CFHR4: variants seen among roughly 807,000 people sequenced by gnomAD.
CFHR4 encodes complement factor H-related protein 4.
In CFHR4, 64 loss-of-function variants were observed where a neutral mutation model predicts 69.3. The observed-to-expected ratio is 0.92, with a 90% CI of 0.76 to 1.14. The LOEUF (loss-of-function observed/expected upper bound fraction) is 1.14, where lower values mean the gene tolerates loss of function less well. Ranked by LOEUF, CFHR4 falls within the 50% of genes most tolerant of loss-of-function variation. The pLI is 0.00. For missense variants in CFHR4, 636 were observed against 684.9 expected (o/e 0.93, Z 0.80); for synonymous variants, 244 against 237.0 (o/e 1.03, Z -0.27).
At position 196,907,605 on chromosome 1, in the gene CFHR4, A is replaced by G. The variant is rs1240788071; in HGVS notation, c.799+107A>G. On this transcript the variant is annotated intron_variant, in intron 5 of 9. Coordinates refer to ENST00000608469, the MANE Select transcript of CFHR4 (RefSeq NM_001201550.3). ...TTATTACCCTAGAACTGTGTTCACAAACAGCTATTCTGCTGAATATTTGCC... is the reference window on the plus strand; with the variant it reads ...TTATTACCCTAGAACTGTGTTCACAGACAGCTATTCTGCTGAATATTTGCC... 4.5e-6 allele frequency: 4 copies of G among 880,498 alleles called. 1 individual carries two copies. Among genetic ancestry groups the G allele is most frequent in the Non-Finnish European group, 6.9e-6 (4 of 579,654 alleles). The allele number at this position is 880,498 out of a possible 1,614,324, so 54.5% of individuals were successfully genotyped here. A position where few individuals can be genotyped will look rare whatever the true frequency, so the allele number is the denominator to read the frequency against.
chr1:196,901,517 T>C (rs973257786), intron 1 of CFHR4, among the ~76,000 whole-genome samples: 1 of 151,294 alleles, frequency 6.6e-6, no homozygotes, highest in African/African-American at 2.4e-5. Context: ...GTGGTGCATA[T>C]GTTGGAATTT....
At chr1:196,910,517 T>C (rs1458937700) in intron 6 of CFHR4, 39 bp downstream of exon 6, 1 of 1,512,842 alleles carries the variant, frequency 6.6e-7, no homozygotes, top group Non-Finnish European at 9.1e-7. Context: ...GCATAAAACT[T>C]GCAAAGAATG....
chr1:196,900,184 A>G (rs1657519708), intron 1 of CFHR4, among the ~76,000 whole-genome samples: 2 of 151,480 alleles, frequency 1.3e-5, no homozygotes, highest in African/African-American at 4.9e-5. Flanking sequence ...CGTTAAGGTC[A>G]GTTTGAGTTA....
intron 1 of CFHR4, among the ~76,000 whole-genome samples, chr1:196,894,903 A>ACAACAACAACAACAG (rs1350821999): frequency 6.6e-6 from 1 of 150,604 alleles, no homozygotes; most frequent in Non-Finnish European, 1.5e-5. Context: ...AACAACAACA[A>ACAACAACAACAACAG]CAACAAATTA....
intron 1 of CFHR4, among the ~76,000 whole-genome samples, chr1:196,899,130 G>A (rs760096665): frequency 6.7e-6 from 1 of 148,566 alleles, no homozygotes; most frequent in African/African-American, 2.5e-5. Flanking sequence ...ATCAAATGTA[G>A]CAAAATGTCT....
chr1:196,912,590 C>T lies in CFHR4; in HGVS notation c.998-150C>T, dbSNP rs993604231. 33 of 887,256 alleles carry T rather than the reference C, an allele frequency of 3.7e-5. 2 individuals carry two copies. Among genetic ancestry groups the T allele is most frequent in the East Asian group, 1.8e-4 (5 of 28,530 alleles). 55.0% of individuals were successfully genotyped at this position (887,256 alleles called of 1,614,324 possible). A position where few individuals can be genotyped will look rare whatever the true frequency, so the allele number is the denominator to read the frequency against. On this transcript the variant is annotated intron_variant, in intron 6 of 9. Coordinates refer to ENST00000608469, the MANE Select transcript of CFHR4 (RefSeq NM_001201550.3). ...AAATTCGTGGTTTCCTTTAAGAACA[C>T]GGATGTCTAGGAAACTTCCAGTTTT...
Position 196,912,470 on chromosome 1 carries a change from G to C in CFHR4, c.998-270G>C, listed in dbSNP as rs1853883. 0.65 allele frequency among the ~76,000 whole-genome samples: 97,580 copies of C among 150,768 alleles called. 33,447 individuals are homozygous for C. Among genetic ancestry groups the C allele is most frequent in the East Asian group, 0.9 (4,594 of 5,132 alleles). ...TTAGGGACTTGAGAGTCTGCTAGAT[G>C]TGCATTCCTTAAGGCCCGCCAGAGC... On this transcript the variant is annotated intron_variant, in intron 6 of 9. Transcript: ENST00000608469.
At position 196,900,314 on chromosome 1, in the gene CFHR4, G is replaced by A. The variant is rs922233576; in HGVS notation, c.59-2104G>A. Among the ~76,000 whole-genome samples, 3 of 74,170 alleles carry A rather than the reference G, an allele frequency of 4.0e-5. 1 individual carries two copies. The highest frequency in any genetic ancestry group is 1.6e-4 in the African/African-American group (3 of 19,292). 48.7% of individuals were successfully genotyped at this position (74,170 alleles called of 152,430 possible). A position where few individuals can be genotyped will look rare whatever the true frequency, so the allele number is the denominator to read the frequency against. ...CTTCAGTGCCAATCAGATCATAGGT[G>A]GAATTTTTTTTTTTTTTTTTTGCTT... On this transcript the variant is annotated intron_variant, in intron 1 of 9. Transcript: ENST00000608469.
At chr1:196,889,629 G>C (rs1656913184) in intron 1 of CFHR4, among the ~76,000 whole-genome samples, 1 of 151,522 alleles carries the variant, frequency 6.6e-6, no homozygotes, top group African/African-American at 2.4e-5. Flanking sequence ...TCTCAAAGGA[G>C]AAAGTAACTC....
At position 196,902,609 on chromosome 1, in the gene CFHR4, T is replaced by C. The variant is rs751546209; in HGVS notation, c.250T>C (p.Cys84Arg). The change falls in exon 2 of 10, where the codon TGC (cysteine) becomes CGC (arginine). Residue 84 changes from cysteine (C) to arginine (R), a missense_variant. Cys to Arg is a radical substitution (Grantham distance 180, BLOSUM62 -3). Around this residue, in one of 3 missense-constraint regions of CFHR4, gnomAD observed 529 missense variants for 533.2 expected, o/e 0.99. Transcript: ENST00000608469. Reference sequence around the variant, plus strand: ...AGATGGTTGGTCACCAACGGTCCCATGCCTCAGTAAGTAAACCTCTTTACA... The same window carrying C: ...AGATGGTTGGTCACCAACGGTCCCACGCCTCAGTAAGTAAACCTCTTTACA... ...TQDGWSPTVP[C>R]LRTCSKSDVE... The C allele has an allele frequency of 3.7e-6, 6 of 1,607,696 alleles. No homozygotes were observed. The Admixed American group carries it at 6.7e-5, about 18-fold the overall frequency.
chr1:196,909,737 C>A (rs569697026), intron 5 of CFHR4, among the ~76,000 whole-genome samples: 12 of 151,164 alleles, frequency 7.9e-5, no homozygotes, highest in African/African-American at 9.8e-5. Context: ...TAATACCTAG[C>A]GTATGGGTTG....
chr1:196,888,883 A>G (rs183705318), intron 1 of CFHR4, among the ~76,000 whole-genome samples: 4 of 151,510 alleles, frequency 2.6e-5, no homozygotes, highest in Non-Finnish European at 4.4e-5. Flanking sequence ...AATAATTTTC[A>G]TAGCTTTATG....
chr1:196,907,123 T>C (rs182228217), intron 4 of CFHR4, 86 bp downstream of exon 4: 32 of 1,170,786 alleles, frequency 2.7e-5, no homozygotes, highest in Non-Finnish European at 3.4e-5. Context: ...TGTGTATGAA[T>C]ACATATGTGT....
chr1:196,902,673 G>C, intron 2 of CFHR4, 58 bp downstream of exon 2: 1 of 1,255,022 alleles, frequency 8.0e-7, no homozygotes, highest in Non-Finnish European at 1.2e-6. Flanking sequence ...TGAGAGAACA[G>C]CAAATAAATG....
Position 196,915,898 on chromosome 1 carries a change from A to G in CFHR4, c.1540+760A>G, listed in dbSNP as rs991084680. Among the ~76,000 whole-genome samples, 6 of 151,672 alleles carry G rather than the reference A, an allele frequency of 4.0e-5. No homozygotes were observed. The South Asian group carries it at 1.0e-3, about 26-fold the overall frequency. ...ACACTGTTTCAAAAAACCACGAACTATTAAATCCTCCTTGAAAACATGAAA... is the reference window on the plus strand; with the variant it reads ...ACACTGTTTCAAAAAACCACGAACTGTTAAATCCTCCTTGAAAACATGAAA... On this transcript the variant is annotated intron_variant, in intron 9 of 9. Transcript: ENST00000608469.
chr1:196,911,408 TA>T (rs1192312180), intron 6 of CFHR4, among the ~76,000 whole-genome samples: 2 of 151,518 alleles, frequency 1.3e-5, no homozygotes, highest in Non-Finnish European at 2.9e-5. Context: ...AAGTAGATTA[TA>T]AAATTATAGC....
chr1:196,906,137 G>A (rs147166266), intron 3 of CFHR4, among the ~76,000 whole-genome samples: 8 of 151,496 alleles, frequency 5.3e-5, no homozygotes, highest in African/African-American at 1.9e-4. Context: ...TTAGCCATGA[G>A]ACGAAATGGA....
chr1:196,908,283 T>C (rs1047474303), intron 5 of CFHR4, among the ~76,000 whole-genome samples: 1 of 151,464 alleles, frequency 6.6e-6, no homozygotes, highest in African/African-American at 2.4e-5. Context: ...GTCCTGCACA[T>C]GTACCCCGAA....
At chr1:196,903,560 G>A (rs1657737910) in intron 2 of CFHR4, among the ~76,000 whole-genome samples, 2 of 151,106 alleles carry the variant, frequency 1.3e-5, no homozygotes, top group Non-Finnish European at 2.9e-5. Flanking sequence ...GGCTGAGGCT[G>A]GAGAATGGCT....
Sources: allele counts gnomAD v4.1 joint callset (sites outside exome capture counted in the v4.1 genomes callset), GRCh38; gene constraint gnomAD v4.1.1; regional missense constraint gnomAD v4.1.1; transcripts MANE v1.5; gene names NCBI Gene and HGNC (gene_info 2026-07-23, HGNC 2026-07-21).